Variants in METRNL observed in about 807,000 individuals in gnomAD.
METRNL encodes meteorin like, glial cell differentiation regulator.
A neutral mutation model predicts 17.4 loss-of-function variants in METRNL; 9 were observed. That is an observed-to-expected ratio of 0.52 (90% confidence interval 0.31 to 0.90). The LOEUF (loss-of-function observed/expected upper bound fraction) is 0.90, where lower values mean the gene tolerates loss of function less well. METRNL is among the 40% of genes least tolerant of loss of function. METRNL has a pLI of 0.05. For synonymous variants in METRNL, 215 were observed against 199.3 expected (o/e 1.08, Z -0.66); for missense variants, 408 against 430.7 (o/e 0.95, Z 0.47).
At chr17:83,087,726 C>T (rs2038068683) in intron 2 of METRNL, among the ~76,000 whole-genome samples, 1 of 152,142 alleles carries the variant, frequency 6.6e-6, no homozygotes, top group South Asian at 2.1e-4. Context: ...CCTGCACTTG[C>T]TGTAGCTGCG....
intron 1 of METRNL, among the ~76,000 whole-genome samples, chr17:83,080,545 GGC>G (rs2037971137): frequency 7.7e-6 from 1 of 129,592 alleles, no homozygotes; most frequent in African/African-American, 2.8e-5. Context: ...CCTTGGCCGC[GGC>G]GCGCGCTGCG....
At chr17:83,086,830 C>T (rs539013675) in intron 2 of METRNL, among the ~76,000 whole-genome samples, 2 of 152,278 alleles carry the variant, frequency 1.3e-5, no homozygotes, top group Non-Finnish European at 2.9e-5. Flanking sequence ...AGGGGAAATT[C>T]AATGGTTCTA....
intron 1 of METRNL, among the ~76,000 whole-genome samples, chr17:83,081,721 AGAGGG>A (rs2037991680): frequency 6.6e-6 from 1 of 152,130 alleles, no homozygotes; most frequent in Non-Finnish European, 1.5e-5. Context: ...AGAGCCTGGC[AGAGGG>A]CAGCTGTGGG....
rs199617152 is a variant in METRNL at position 83,084,886 on chromosome 17, G to A, written c.171-52G>A. 5.1e-6 allele frequency: 8 copies of A among 1,563,510 alleles called. No individual in the cohort carries two copies. In the East Asian group the frequency reaches 1.6e-4, roughly 31 times the overall value. Reference sequence around the variant, plus strand: ...TCACTGACTCTCTGTGGGTGCGGGTGGGGTGTGTGACGGGAGCTCCGGGCC... The same window carrying A: ...TCACTGACTCTCTGTGGGTGCGGGTAGGGTGTGTGACGGGAGCTCCGGGCC... On this transcript the variant is annotated intron_variant, in intron 1 of 3. Coordinates refer to ENST00000320095, the MANE Select transcript of METRNL (RefSeq NM_001004431.3).
At position 83,090,662 on chromosome 17, in the gene METRNL, G is replaced by C. The variant is rs531916696; in HGVS notation, c.557-2505G>C. Among the ~76,000 whole-genome samples the C allele has an allele frequency of 2.0e-5, 3 of 150,840 alleles. No individual in the cohort carries two copies. In the South Asian group the frequency reaches 6.4e-4, roughly 32 times the overall value. Reference sequence around the variant, plus strand: ...TGCTCAGTGAGGGGACCCTCGGGTGGACTGGGGTCACCACGCTTCTGTCGT... The same window carrying C: ...TGCTCAGTGAGGGGACCCTCGGGTGCACTGGGGTCACCACGCTTCTGTCGT... On this transcript the variant is annotated intron_variant, in intron 2 of 3. Transcript: ENST00000320095.
chr17:83,089,719 C>T (rs2038094787), intron 2 of METRNL, among the ~76,000 whole-genome samples: 1 of 152,180 alleles, frequency 6.6e-6, no homozygotes, highest in African/African-American at 2.4e-5. Flanking sequence ...AGCCTGGCTC[C>T]TGTTAATAAT....
intron 3 of METRNL, among the ~76,000 whole-genome samples, chr17:83,093,819 C>T (rs536611386): frequency 6.6e-6 from 1 of 152,192 alleles, no homozygotes; most frequent in Non-Finnish European, 1.5e-5. Context: ...AGCTCAAGGA[C>T]AGGCCCCTTC....
chr17:83,086,252 T>G (rs2038051758), intron 2 of METRNL, among the ~76,000 whole-genome samples: 1 of 152,216 alleles, frequency 6.6e-6, no homozygotes, highest in Non-Finnish European at 1.5e-5. Context: ...TTTTCATCTC[T>G]CTCTGAAATC....
At chr17:83,091,796 C>T (rs2038140465) in intron 2 of METRNL, among the ~76,000 whole-genome samples, 1 of 152,244 alleles carries the variant, frequency 6.6e-6, no homozygotes, top group African/African-American at 2.4e-5. Flanking sequence ...ACCGGCGAAA[C>T]CAGTGCCATT....
intron 3 of METRNL, among the ~76,000 whole-genome samples, chr17:83,093,575 C>T (rs1397404046): frequency 6.6e-6 from 1 of 152,236 alleles, no homozygotes; most frequent in East Asian, 1.9e-4. Flanking sequence ...TTATCAGCAG[C>T]CCAGAGCATC....
At chr17:83,093,609 C>T (rs969060843) in intron 3 of METRNL, among the ~76,000 whole-genome samples, 15 of 152,218 alleles carry the variant, frequency 9.9e-5, no homozygotes, top group Non-Finnish European at 1.9e-4. Context: ...ACTCCTTGCC[C>T]CCCACCAGAG....
chr17:83,081,324 C>T (rs2037985445), intron 1 of METRNL, among the ~76,000 whole-genome samples: 1 of 152,120 alleles, frequency 6.6e-6, no homozygotes, highest in South Asian at 2.1e-4. Context: ...GAACCGAGGC[C>T]CGGGGCGTTC....
At chr17:83,090,764 C>T (rs913925387) in intron 2 of METRNL, among the ~76,000 whole-genome samples, 25 of 151,886 alleles carry the variant, frequency 1.6e-4, no homozygotes, top group African/African-American at 2.4e-4. Flanking sequence ...CCCTGTGGTA[C>T]GGGGCAGGTG....
chr17:83,093,171 G>T lies in METRNL; in HGVS notation c.561G>T (p.Pro187=). Residue 187 remains proline (P), a synonymous_variant, in exon 3 of 4, where the codon CCG becomes CCT. Transcript: ENST00000320095. ...GACTCTGCCTTTCTTCTCCAGCGCC[G>T]TGCCGTCCCTGCAGTGACACCGAGG... ...RASDLHELSA[P]CRPCSDTEVL... 4 of 1,607,602 alleles carry T rather than the reference G, an allele frequency of 2.5e-6. No homozygotes were observed. The highest frequency in any genetic ancestry group is 2.2e-5 in the East Asian group (1 of 44,856).
At position 83,094,491 on chromosome 17, in the gene METRNL, T is replaced by C; in HGVS notation, c.852T>C (p.Cys284=). The C allele has an allele frequency of 6.4e-7, 1 of 1,572,290 alleles. No homozygotes were observed. The highest frequency in any genetic ancestry group is 8.7e-7 in the Non-Finnish European group (1 of 1,152,336). The change falls in exon 4 of 4, where the codon TGT becomes TGC. Residue 284 remains cysteine, a synonymous_variant. Transcript: ENST00000320095. ...HMHFGEARLG[C]APRFKDFQRM... ...ACTTCGGGGAGGCGCGGCTCGGCTGTGCCCCACGCTTCAAGGACTTCCAGA... is the reference window on the plus strand; with the variant it reads ...ACTTCGGGGAGGCGCGGCTCGGCTGCGCCCCACGCTTCAAGGACTTCCAGA...
Position 83,088,034 on chromosome 17 carries a change from C to T in METRNL, c.556+2711C>T, listed in dbSNP as rs533331073. ...ATCGGCTTCCTTGAGTAAACTGAGA[C>T]ACGCCGATGACCAAGAGTTGGCCGG... On this transcript the variant is annotated intron_variant, in intron 2 of 3. Transcript: ENST00000320095. 2.0e-5 allele frequency among the ~76,000 whole-genome samples: 3 copies of T among 152,182 alleles called. No homozygotes were observed. In the East Asian group the frequency reaches 5.8e-4, roughly 29 times the overall value.
chr17:83,087,674 A>G (rs1236375780), intron 2 of METRNL, among the ~76,000 whole-genome samples: 1 of 152,138 alleles, frequency 6.6e-6, no homozygotes, highest in Non-Finnish European at 1.5e-5. Context: ...CCGGCTCCCC[A>G]GCACTCTCCG....
At chr17:83,091,665 C>T (rs967189222) in intron 2 of METRNL, among the ~76,000 whole-genome samples, 12 of 152,252 alleles carry the variant, frequency 7.9e-5, no homozygotes, top group Non-Finnish European at 1.8e-4. Context: ...TTCAGCCCAG[C>T]AAGGGCAGCC....
At chr17:83,088,725 T>C (rs963164558) in intron 2 of METRNL, among the ~76,000 whole-genome samples, 3 of 151,248 alleles carry the variant, frequency 2.0e-5, no homozygotes, top group Non-Finnish European at 4.4e-5. Flanking sequence ...TTTAAAATCC[T>C]GCCCCTGGCT....
Sources: allele counts gnomAD v4.1 joint callset (sites outside exome capture counted in the v4.1 genomes callset), GRCh38; gene constraint gnomAD v4.1.1; transcripts MANE v1.5; gene names NCBI Gene and HGNC (gene_info 2026-07-23, HGNC 2026-07-21).